Variants in ZFAT observed in about 807,000 individuals in gnomAD.
ZFAT encodes zinc finger protein ZFAT.
ZFAT carries 64 observed loss-of-function variants against 117.7 expected under a neutral mutation model. The observed-to-expected ratio is 0.54, with a 90% CI of 0.44 to 0.67. The LOEUF (loss-of-function observed/expected upper bound fraction) is 0.67. Among genes scored for constraint, ZFAT ranks in the 30% least tolerant of loss-of-function variants. The pLI is 0.00. For synonymous variants in ZFAT, 679 were observed against 615.0 expected, an observed-to-expected ratio of 1.10 and a Z score of -1.54; for missense variants, 1,433 against 1,584.5, an observed-to-expected ratio of 0.90 and a Z score of 1.62.
At chr8:134,542,329 G>C (rs1477459792) in intron 11 of ZFAT, among the ~76,000 whole-genome samples, 2 of 152,194 alleles carry the variant, frequency 1.3e-5, no homozygotes, top group Non-Finnish European at 2.9e-5. Context: ...TAGGCTCAAA[G>C]GGTATGTGTG....
At chr8:134,757,376 A>G in the ZFAT span, among the ~76,000 whole-genome samples, 18 of 151,698 alleles carry the variant, frequency 1.2e-4, no homozygotes, top group Admixed American at 1.1e-3. Flanking sequence ...TCTGCATTCC[A>G]CTCTCCAGCT....
chr8:134,480,126 G>A (rs1343467491), intron 15 of ZFAT, among the ~76,000 whole-genome samples: 1 of 151,852 alleles, frequency 6.6e-6, no homozygotes, highest in Admixed American at 6.6e-5. Flanking sequence ...CACACCCAAT[G>A]AATTTTTGTA....
chr8:134,561,437 A>G (rs1210493207), intron 11 of ZFAT, among the ~76,000 whole-genome samples: 5 of 152,240 alleles, frequency 3.3e-5, no homozygotes, highest in Admixed American at 2.6e-4. Context: ...TCAAAAAGAA[A>G]AAAAAATCTG....
rs558218305 is a variant in ZFAT, at chr8:134,500,907, C to A, written c.3492+8712G>T. ...TATGAGAACACTTTTAAGAGGCTACCTGCATGTATAATTAGGAGTTTCATA... is the reference window on the plus strand; with the variant it reads ...TATGAGAACACTTTTAAGAGGCTACATGCATGTATAATTAGGAGTTTCATA... On this transcript the variant is annotated intron_variant, in intron 15 of 15. Transcript: ENST00000377838. 3.3e-5 allele frequency among the ~76,000 whole-genome samples: 5 copies of A among 152,286 alleles called. No homozygotes were observed. In the South Asian group the frequency reaches 1.0e-3, roughly 32 times the overall value.
chr8:134,826,020 C>CAAAAA, the ZFAT span, among the ~76,000 whole-genome samples: 1 of 87,800 alleles, frequency 1.1e-5, no homozygotes, highest in African/African-American at 3.8e-5. Context: ...GACTCTGTCT[C>CAAAAA]AAAAAAAAAA....
chr8:134,717,196 G>A (rs1215296859), upstream of ZFAT, among the ~76,000 whole-genome samples: 2 of 152,106 alleles, frequency 1.3e-5, no homozygotes, highest in Non-Finnish European at 2.9e-5. Context: ...AGAACATCAT[G>A]GACCCAAGAC....
At chr8:134,676,255 C>CAAAAAAAAAAAAAA (rs146638821) in intron 1 of ZFAT, among the ~76,000 whole-genome samples, 8 of 80,588 alleles carry the variant, frequency 9.9e-5, no homozygotes, top group East Asian at 4.0e-4. Context: ...AAATGGAAAG[C>CAAAAAAAAAAAAAA]AAAAAAAAAA....
chr8:134,718,220 C>T, the ZFAT span, among the ~76,000 whole-genome samples: 1 of 151,994 alleles, frequency 6.6e-6, no homozygotes, highest in Non-Finnish European at 1.5e-5. Context: ...TAGGAAAGGC[C>T]GGGTGCAGTG....
chr8:134,498,048 G>A (rs1416240859), intron 15 of ZFAT, among the ~76,000 whole-genome samples: 209 of 105,132 alleles, frequency 2.0e-3, no homozygotes, highest in African/African-American at 7.8e-3. Flanking sequence ...TGATGCCCCT[G>A]CTGCTGGTTA....
At chr8:134,699,118 T>C (rs1371791977) in intron 1 of ZFAT, among the ~76,000 whole-genome samples, 1 of 152,080 alleles carries the variant, frequency 6.6e-6, no homozygotes, top group Non-Finnish European at 1.5e-5. Flanking sequence ...ATCTTAATCA[T>C]TGCCCCTCAC....
chr8:134,652,055 C>G (rs529460128), intron 2 of ZFAT, among the ~76,000 whole-genome samples: 1 of 152,116 alleles, frequency 6.6e-6, no homozygotes, highest in Non-Finnish European at 1.5e-5. Flanking sequence ...TGGTGGCTCA[C>G]GCCTCTAATC....
At chr8:134,679,475 T>G (rs961910371) in intron 1 of ZFAT, among the ~76,000 whole-genome samples, 8 of 152,242 alleles carry the variant, frequency 5.3e-5, no homozygotes, top group African/African-American at 1.9e-4. Context: ...ATACTAACGC[T>G]TTTACACTGT....
chr8:134,770,778 G>T, the ZFAT span, among the ~76,000 whole-genome samples: 1 of 152,234 alleles, frequency 6.6e-6, no homozygotes, highest in Non-Finnish European at 1.5e-5. Flanking sequence ...CTGAGAAAGA[G>T]AATGTGCACC....
At chr8:134,548,298 A>T (rs1822854063) in intron 11 of ZFAT, among the ~76,000 whole-genome samples, 3 of 152,250 alleles carry the variant, frequency 2.0e-5, no homozygotes, top group South Asian at 4.1e-4. Context: ...CATAAAAATA[A>T]GGCATTTGAG....
the ZFAT span, among the ~76,000 whole-genome samples, chr8:134,800,327 C>A: frequency 6.6e-6 from 1 of 152,170 alleles, no homozygotes; most frequent in South Asian, 2.1e-4. Flanking sequence ...TGCAACCATG[C>A]TTTCTTCTGC....
chr8:134,598,019 G>A (rs1305894557), intron 7 of ZFAT: 2 of 152,278 alleles, frequency 1.3e-5, no homozygotes, highest in African/African-American at 4.8e-5. Flanking sequence ...CTGCCCTCAC[G>A]GCACAACATC....
intron 7 of ZFAT, among the ~76,000 whole-genome samples, chr8:134,590,689 CA>C (rs1247639923): frequency 1.6e-4 from 21 of 127,820 alleles, no homozygotes; most frequent in African/African-American, 5.3e-4. Context: ...CCACCACCAC[CA>C]ACAACAACAC....
chr8:134,809,505 G>C, the ZFAT span, among the ~76,000 whole-genome samples: 1 of 152,266 alleles, frequency 6.6e-6, no homozygotes, highest in South Asian at 2.1e-4. Flanking sequence ...AAGAGATTTT[G>C]AGTTTTAAAA....
chr8:134,816,653 A>G, the ZFAT span, among the ~76,000 whole-genome samples: 1 of 152,188 alleles, frequency 6.6e-6, no homozygotes, highest in Non-Finnish European at 1.5e-5. Context: ...TTTAAAAAGC[A>G]ATAGTGAACT....
Sources: allele counts gnomAD v4.1 joint callset (sites outside exome capture counted in the v4.1 genomes callset), GRCh38; gene constraint gnomAD v4.1.1; transcripts MANE v1.5; gene names NCBI Gene and HGNC (gene_info 2026-07-23, HGNC 2026-07-21).